MDGA2: variants seen among roughly 807,000 people sequenced by gnomAD.
MDGA2 encodes MAM domain containing glycosylphosphatidylinositol anchor 2, also known as MAM domain-containing glycosylphosphatidylinositol anchor protein 2.
In MDGA2, 40 loss-of-function variants were observed where a neutral mutation model predicts 117.8. The ratio of observed to expected loss-of-function variants is 0.34; its 90% CI spans 0.26 to 0.44. The LOEUF is 0.44. Ranked by LOEUF, MDGA2 falls within the 20% of genes least tolerant of loss-of-function variation. The pLI, the probability that MDGA2 is intolerant of heterozygous loss-of-function variation, is 1.00. For missense variants in MDGA2, 1,123 were observed against 1,250.6 expected (o/e 0.90, Z 1.54); for synonymous variants, 452 against 439.0 (o/e 1.03, Z -0.37).
chr14:47,583,415 G>T (rs1896265486), intron 1 of MDGA2, among the ~76,000 whole-genome samples: 1 of 151,778 alleles, frequency 6.6e-6, no homozygotes, highest in Admixed American at 6.6e-5. Context: ...CTCATTAAAA[G>T]CATTTAATTG....
chr14:46,924,619 C>T (rs1414568853), intron 9 of MDGA2, among the ~76,000 whole-genome samples: 3 of 151,666 alleles, frequency 2.0e-5, no homozygotes, highest in East Asian at 1.9e-4. Flanking sequence ...TGCTTTCCTA[C>T]GAGGTGCTGA....
At chr14:47,195,759 T>A (rs978987062) in intron 3 of MDGA2, among the ~76,000 whole-genome samples, 1 of 152,072 alleles carries the variant, frequency 6.6e-6, no homozygotes, top group Admixed American at 6.5e-5. Flanking sequence ...ATAGATTACA[T>A]ATTCCCTTCA....
chr14:47,301,378 A>T (rs1261675691), intron 2 of MDGA2, 33 bp downstream of exon 2: 1 of 1,547,192 alleles, frequency 6.5e-7, no homozygotes, highest in Non-Finnish European at 8.7e-7. Flanking sequence ...AAGTCAGAGA[A>T]TGTTTTCTCC....
chr14:47,025,591 G>C (rs1888442235), intron 8 of MDGA2, among the ~76,000 whole-genome samples: 1 of 151,852 alleles, frequency 6.6e-6, no homozygotes, highest in African/African-American at 2.4e-5. Flanking sequence ...AATGTCTGGA[G>C]ACAGTTTTTA....
intron 1 of MDGA2, among the ~76,000 whole-genome samples, chr14:47,336,017 C>T (rs961874317): frequency 4.6e-5 from 7 of 151,364 alleles, no homozygotes; most frequent in African/African-American, 1.7e-4. Flanking sequence ...AGCAATAAAC[C>T]AAGCACAGAA....
chr14:47,432,975 T>C (rs563517067), intron 1 of MDGA2, among the ~76,000 whole-genome samples: 43 of 152,152 alleles, frequency 2.8e-4, no homozygotes, highest in African/African-American at 1.0e-3. Flanking sequence ...AGGAACTGTG[T>C]CAAATACTGG....
intron 1 of MDGA2, among the ~76,000 whole-genome samples, chr14:47,633,284 T>G (rs908213783): frequency 6.6e-6 from 1 of 152,142 alleles, no homozygotes; most frequent in African/African-American, 2.4e-5. Flanking sequence ...TCTGGACACC[T>G]GACACAGAGA....
intron 1 of MDGA2, among the ~76,000 whole-genome samples, chr14:47,566,010 G>A (rs1474936500): frequency 1.3e-5 from 2 of 152,238 alleles, no homozygotes; most frequent in African/African-American, 4.8e-5. Context: ...GGCAGGTGGT[G>A]CACTCACAAC....
intron 2 of MDGA2, among the ~76,000 whole-genome samples, chr14:47,278,994 A>T (rs1049152203): frequency 5.3e-5 from 8 of 152,144 alleles, no homozygotes; most frequent in South Asian, 2.1e-4. Flanking sequence ...TTTTTGATTG[A>T]TTTATGTATC....
chr14:47,476,602 T>C (rs1386728657), intron 1 of MDGA2, among the ~76,000 whole-genome samples: 1 of 152,104 alleles, frequency 6.6e-6, no homozygotes, highest in Non-Finnish European at 1.5e-5. Context: ...TATAAATTTG[T>C]GCCTAGAAAA....
chr14:47,435,954 G>C (rs17118654), intron 1 of MDGA2, among the ~76,000 whole-genome samples: 2,614 of 152,054 alleles, frequency 0.017, 43 homozygotes, highest in Non-Finnish European at 0.027. Context: ...AAAATCATGG[G>C]CTTTTTTCTG....
At chr14:47,388,536 A>C (rs1014095245) in intron 1 of MDGA2, among the ~76,000 whole-genome samples, 17 of 152,262 alleles carry the variant, frequency 1.1e-4, no homozygotes, top group African/African-American at 3.4e-4. Context: ...CAGTTCATCT[A>C]TCTTAACTGG....
chr14:47,105,853 G>C (rs1880634006), intron 5 of MDGA2, among the ~76,000 whole-genome samples: 1 of 151,746 alleles, frequency 6.6e-6, no homozygotes, highest in Non-Finnish European at 1.5e-5. Flanking sequence ...TCCCCAGGCT[G>C]CTCCTCGCCA....
intron 3 of MDGA2, among the ~76,000 whole-genome samples, chr14:47,184,515 T>G (rs1021132024): frequency 6.6e-6 from 1 of 151,922 alleles, no homozygotes; most frequent in African/African-American, 2.4e-5. Context: ...TTTCTTTCTC[T>G]TCCCAAGTTC....
intron 6 of MDGA2, among the ~76,000 whole-genome samples, chr14:47,089,834 C>T (rs1051313411): frequency 7.0e-6 from 1 of 143,766 alleles, no homozygotes; most frequent in Non-Finnish European, 1.5e-5. Context: ...AAGCACTGTG[C>T]CCGGCCTTCT....
chr14:47,498,909 T>C (rs1032448866), intron 1 of MDGA2, among the ~76,000 whole-genome samples: 5 of 152,184 alleles, frequency 3.3e-5, no homozygotes, highest in African/African-American at 1.2e-4. Context: ...TTATTTATTG[T>C]TCTGACATCA....
Position 47,540,540 on chromosome 14 carries a change from G to GTGTGTGTGTGTGTGTA in MDGA2, c.280+133976_280+133977insTACACACACACACACA. On this transcript the variant is annotated intron_variant, in intron 1 of 16. Transcript: ENST00000399232. ...TGTATATGTGTGTGTGTGTGTGTGT[G>GTGTGTGTGTGTGTGTA]TATATATATATATGTATATATATAC... Among the ~76,000 whole-genome samples the GTGTGTGTGTGTGTGTA allele has an allele frequency of 1.8e-4, 14 of 79,208 alleles. No homozygotes were observed. In the South Asian group the frequency reaches 5.0e-3, roughly 28 times the overall value. The allele number at this position is 79,208 out of a possible 152,430, so 52.0% of individuals were successfully genotyped here.
At chr14:47,374,418 C>T (rs772731507) in intron 1 of MDGA2, among the ~76,000 whole-genome samples, 5 of 151,968 alleles carry the variant, frequency 3.3e-5, no homozygotes, top group Admixed American at 6.6e-5. Context: ...ATTGCCAGAC[C>T]GTAAGACACA....
intron 14 of MDGA2, among the ~76,000 whole-genome samples, chr14:46,870,712 C>T (rs1325894096): frequency 6.6e-6 from 1 of 151,914 alleles, no homozygotes; most frequent in Non-Finnish European, 1.5e-5. Flanking sequence ...AACTGTCCTC[C>T]TAATTTTCCC....
Sources: allele counts gnomAD v4.1 joint callset (sites outside exome capture counted in the v4.1 genomes callset), GRCh38; gene constraint gnomAD v4.1.1; transcripts MANE v1.5; gene names NCBI Gene and HGNC (gene_info 2026-07-23, HGNC 2026-07-21).